KEAP1: variants seen among roughly 807,000 people sequenced by gnomAD.
The protein encoded by KEAP1 is kelch like ECH associated protein 1, also known as kelch-like ECH-associated protein 1.
In KEAP1, 26 loss-of-function variants were observed where a neutral mutation model predicts 59.7. The ratio of observed to expected loss-of-function variants is 0.44; its 90% CI spans 0.32 to 0.60. The LOEUF is 0.60. KEAP1 is among the 20% of genes least tolerant of loss of function. The pLI is 0.06. For missense variants in KEAP1, 539 were observed against 871.4 expected (o/e 0.62, Z 4.80); for synonymous variants, 350 against 358.3 (o/e 0.98, Z 0.26).
In KEAP1 at chr19:10,499,885, C is replaced by T. The variant is rs766652922; in HGVS notation, c.149G>A (p.Arg50His). 11 of 1,613,308 alleles carry T rather than the reference C, an allele frequency of 6.8e-6. No homozygotes were observed. Among genetic ancestry groups the T allele is most frequent in the South Asian group, 4.4e-5 (4 of 91,068 alleles). The change falls in exon 2 of 6, where the codon CGC becomes CAC. Residue 50 changes from arginine to histidine, a missense_variant. Transcript: ENST00000171111. The surrounding 1 kb of genome is among the most constrained non-coding windows in gnomAD (Gnocchi z 6.7). ...AEVTPSQHGN[R>H]TFSYTLEDHT... is the part of the protein sequence containing the mutation. ...ATCCTCCAGGGTGTAGCTGAAGGTG[C>T]GGTTGCCATGCTGGGAGGGCGTCAC...
chr19:10,492,524 C>G (rs2144606351), intron 2 of KEAP1: 1 of 463,218 alleles, frequency 2.2e-6, no homozygotes, highest in South Asian at 2.3e-5. Flanking sequence ...GAGAGACAAG[C>G]CTGGCCAATA....
In KEAP1 at chr19:10,491,768, G is replaced by A. The variant is rs769224942; in HGVS notation, c.1134C>T (p.Gly378=). 21 of 1,573,426 alleles carry A rather than the reference G, an allele frequency of 1.3e-5. No homozygotes were observed. The East Asian group carries it at 2.1e-4, about 16-fold the overall frequency. Residue 378 remains glycine (G), a synonymous_variant, in exon 3 of 6, where the codon GGC becomes GGT. Transcript: ENST00000171111. The surrounding 1 kb of genome is among the most constrained non-coding windows in gnomAD (Gnocchi z 5.2). Reference sequence around the variant, plus strand: ...TGCCGTCGGGCGAGTTGTTCCTGCCGCCCACGGCGTACAACAGCCCGCCCA... The same window carrying A: ...TGCCGTCGGGCGAGTTGTTCCTGCCACCCACGGCGTACAACAGCCCGCCCA... ...CVVGGLLYAV[G]GRNNSPDGNT...
chr19:10,490,755 A>C (rs1486111816), intron 3 of KEAP1: 1 of 152,200 alleles, frequency 6.6e-6, no homozygotes, highest in Admixed American at 6.6e-5. Context: ...AGGTATCAGC[A>C]ACTCCATTTT....
At chr19:10,500,116 T>A (rs999468813) in intron 1 of KEAP1, 36 bp from the exon 2 acceptor site, 2 of 1,423,730 alleles carry the variant, frequency 1.4e-6, no homozygotes, top group African/African-American at 2.9e-5. Flanking sequence ...AGGGCAGGGG[T>A]TGGGACTGGG....
intron 5 of KEAP1, among the ~76,000 whole-genome samples, chr19:10,488,300 T>A (rs545064338): frequency 3.4e-5 from 5 of 148,096 alleles, no homozygotes; most frequent in Non-Finnish European, 7.5e-5. Context: ...AAAAATAAAA[T>A]AAAATAAAAT....
chr19:10,486,197 T>C lies in KEAP1; in HGVS notation c.*455A>G, dbSNP rs1914455105. ...GGGTTACTTATCAACAAAATAACTG[T>C]CCATCCGGTGGGGAAGTGCCATCCG... On this transcript the variant is annotated 3_prime_UTR_variant, in exon 6 of 6. Transcript: ENST00000171111. The C allele has an allele frequency of 4.3e-6, 1 of 232,922 alleles. No individual in the cohort carries two copies. The highest frequency in any genetic ancestry group is 2.2e-5 in the African/African-American group (1 of 45,252). The allele number at this position is 232,922 out of a possible 1,614,324, so 14.4% of individuals were successfully genotyped here.
chr19:10,496,772 A>T lies in KEAP1; in HGVS notation c.639+2623T>A, dbSNP rs141176669. 2.0e-4 allele frequency among the ~76,000 whole-genome samples: 30 copies of T among 151,634 alleles called. No individual in the cohort carries two copies. The East Asian group carries it at 5.2e-3, about 26-fold the overall frequency. ...AGCCGAAATCTTGCCACTGCACTTCAGCCTGGGCGATAGAGCCAGACTCAG... is the reference window on the plus strand; with the variant it reads ...AGCCGAAATCTTGCCACTGCACTTCTGCCTGGGCGATAGAGCCAGACTCAG... On this transcript the variant is annotated intron_variant, in intron 2 of 5. Transcript: ENST00000171111.
At position 10,502,763 on chromosome 19, in the gene KEAP1, G is replaced by T. The variant is rs894210989; in HGVS notation, c.-48+478C>A. On this transcript the variant is annotated intron_variant, in intron 1 of 5. Transcript: ENST00000171111. This position sits in a 1 kb window ranked among gnomAD's most constrained non-coding sequence, Gnocchi z 4.0. ...CCCCGGCGCCTCCATCGCTGCGCGT[G>T]GGGGAGGCGCGGAGCGCGCGCAGGT... The T allele has an allele frequency of 6.6e-6, 1 of 152,050 alleles. No homozygotes were observed. The highest frequency in any genetic ancestry group is 2.4e-5 in the African/African-American group (1 of 41,428). 9.4% of individuals were successfully genotyped at this position (152,050 alleles called of 1,614,324 possible). A position where few individuals can be genotyped will look rare whatever the true frequency, so the allele number is the denominator to read the frequency against.
rs1351295462 is a variant in KEAP1, at chr19:10,486,486, G to A, written c.*166C>T. On this transcript the variant is annotated 3_prime_UTR_variant, in exon 6 of 6. Transcript: ENST00000171111. The stretch of plus-strand genomic sequence containing the variant: ...CTCCGCTGAGGGGCACATGATTCCC[G>A]CTTTGGACTTCTTTTGAGATGTCAT... 2 of 730,952 alleles carry A rather than the reference G, an allele frequency of 2.7e-6. No individual in the cohort carries two copies. The highest frequency in any genetic ancestry group is 1.8e-5 in the African/African-American group (1 of 56,624). The allele number at this position is 730,952 out of a possible 1,614,324, so 45.3% of individuals were successfully genotyped here.
chr19:10,500,968 C>T (rs1184403665), intron 1 of KEAP1, among the ~76,000 whole-genome samples: 1 of 152,142 alleles, frequency 6.6e-6, no homozygotes, highest in African/African-American at 2.4e-5. Flanking sequence ...GCGTAAGCCA[C>T]CATGCCTGAC....
At chr19:10,497,561 G>A (rs1914893174) in intron 2 of KEAP1, among the ~76,000 whole-genome samples, 1 of 152,174 alleles carries the variant, frequency 6.6e-6, no homozygotes. Flanking sequence ...TAGAACAGGG[G>A]CTGGCCCACA....
At position 10,499,764 on chromosome 19, in the gene KEAP1, G is replaced by A. The variant is rs145920707; in HGVS notation, c.270C>T (p.Ala90=). The A allele has an allele frequency of 1.4e-5, 23 of 1,613,976 alleles. No homozygotes were observed. Among genetic ancestry groups the A allele is most frequent in the African/African-American group, 8.0e-5 (6 of 74,922 alleles). The change falls in exon 2 of 6, where the codon GCC becomes GCT. Residue 90 remains alanine, a synonymous_variant. Transcript: ENST00000171111. This position sits in a 1 kb window ranked among gnomAD's most constrained non-coding sequence, Gnocchi z 6.7. ...CCACCTTGTGGGCCATGAACTGGGCGGCCGGTGCATCCTGGTACTTGACCT... is the reference window on the plus strand; with the variant it reads ...CCACCTTGTGGGCCATGAACTGGGCAGCCGGTGCATCCTGGTACTTGACCT... The part of the protein sequence containing the change: ...TLQVKYQDAP[A]AQFMAHKVVL...
At chr19:10,489,451 C>T (rs1914593409) in intron 4 of KEAP1, 83 bp from the exon 5 acceptor site, 4 of 1,380,298 alleles carry the variant, frequency 2.9e-6, no homozygotes, top group Non-Finnish European at 4.0e-6. Flanking sequence ...GGAGACCTTT[C>T]CTCTCTCCTC....
rs532194715 is a variant in KEAP1 at position 10,491,753 on chromosome 19, C to T, written c.1149G>A (p.Ser383=). 5.7e-6 allele frequency: 9 copies of T among 1,567,130 alleles called. No individual in the cohort carries two copies. The South Asian group carries it at 1.0e-4, about 18-fold the overall frequency. ...LLYAVGGRNN[S]PDGNTDSSAL... is the part of the protein sequence containing the mutation. The stretch of plus-strand genomic sequence containing the variant: ...CGCTGGAGTCGGTGTTGCCGTCGGG[C>T]GAGTTGTTCCTGCCGCCCACGGCGT... The change falls in exon 3 of 6, where the codon TCG becomes TCA. Residue 383 remains serine, a synonymous_variant. Transcript: ENST00000171111. This position sits in a 1 kb window ranked among gnomAD's most constrained non-coding sequence, Gnocchi z 5.2.
In KEAP1 at chr19:10,489,783, C is replaced by T. The variant is rs2144590678; in HGVS notation, c.1396G>A (p.Ala466Thr). 1 of 1,614,110 alleles carries T rather than the reference C, an allele frequency of 6.2e-7. No individual in the cohort carries two copies. Among genetic ancestry groups the T allele is most frequent in the Non-Finnish European group, 8.5e-7 (1 of 1,180,038 alleles). The change falls in exon 4 of 6, where the codon GCT (alanine) becomes ACT (threonine). Residue 466 changes from alanine (A) to threonine (T), a missense_variant. By Grantham distance (58) the Ala-to-Thr change is moderately conservative. Transcript: ENST00000171111. ...MLTRRIGVGV[A>T]VLNRLLYAVG... ...GCATAAAGGAGACGATTGAGGACAG[C>T]CACGCCCACCCCGATCCTTCGTGTC...
intron 3 of KEAP1, 110 bp from the exon 4 acceptor site, chr19:10,489,963 A>G (rs1914613844): frequency 1.8e-6 from 2 of 1,112,466 alleles, no homozygotes; most frequent in Admixed American, 4.7e-5. Flanking sequence ...CCTTAAAGAG[A>G]CAGGTTCATC....
Position 10,491,765 on chromosome 19 carries a change from G to C in KEAP1, c.1137C>G (p.Gly379=), listed in dbSNP as rs748115062. Residue 379 remains glycine, a synonymous_variant, in exon 3 of 6, where the codon GGC becomes GGG. Transcript: ENST00000171111. This position sits in a 1 kb window ranked among gnomAD's most constrained non-coding sequence, Gnocchi z 5.2. Reference sequence around the variant, plus strand: ...TGTTGCCGTCGGGCGAGTTGTTCCTGCCGCCCACGGCGTACAACAGCCCGC... The same window carrying C: ...TGTTGCCGTCGGGCGAGTTGTTCCTCCCGCCCACGGCGTACAACAGCCCGC... The part of the protein sequence containing the change: ...VVGGLLYAVG[G]RNNSPDGNTD... 1.1e-5 allele frequency: 17 copies of C among 1,570,690 alleles called. No homozygotes were observed. Among genetic ancestry groups the C allele is most frequent in the Non-Finnish European group, 1.3e-5 (15 of 1,157,644 alleles).
Position 10,491,533 on chromosome 19 carries a change from A to AG in KEAP1, c.1325+43dup, listed in dbSNP as rs1192431984. ...GGATCTCAGTGTCTTGGGACTTGCCAGGAGCAGGACCCTCCGAGCCCACCC... is the reference window on the plus strand; with the variant it reads ...GGATCTCAGTGTCTTGGGACTTGCCAGGGAGCAGGACCCTCCGAGCCCACCC... On this transcript the variant is annotated intron_variant, in intron 3 of 5. Coordinates refer to ENST00000171111, the MANE Select transcript of KEAP1 (RefSeq NM_203500.2). The surrounding 1 kb of genome is among the most constrained non-coding windows in gnomAD (Gnocchi z 5.2). 6.9e-7 allele frequency: 1 copy of AG among 1,447,108 alleles called. No homozygotes were observed. The highest frequency in any genetic ancestry group is 9.2e-7 in the Non-Finnish European group (1 of 1,090,518). The allele number at this position is 1,447,108 out of a possible 1,614,324, so 89.6% of individuals were successfully genotyped here.
chr19:10,492,536 G>C, intron 2 of KEAP1: 1 of 413,156 alleles, frequency 2.4e-6, no homozygotes, highest in East Asian at 4.7e-5. Context: ...TGGCCAATAT[G>C]GTGAAACCCC....
Sources: gnomAD v4.1 joint callset for allele counts (sites outside exome capture counted in the v4.1 genomes callset) on GRCh38, gnomAD v4.1.1 for gene constraint, Gnocchi (gnomAD v3.1) non-coding constraint, MANE v1.5 for transcripts, NCBI Gene and HGNC (gene_info 2026-07-23, HGNC 2026-07-21) for gene names.